The following DNAH9 variants were observed in gnomAD, a reference collection of about 807,000 sequenced individuals.
DNAH9 encodes the protein DNAH9 variant protein.
In DNAH9, 345 loss-of-function variants were observed where a neutral mutation model predicts 471.6. The ratio of observed to expected loss-of-function variants is 0.73; its 90% CI spans 0.67 to 0.80. The LOEUF (loss-of-function observed/expected upper bound fraction) is 0.80. DNAH9 is among the 30% of genes least tolerant of loss of function. The pLI, the probability that DNAH9 is intolerant of heterozygous loss-of-function variation, is 0.00. For missense variants in DNAH9, 5,407 were observed against 5,609.2 expected (o/e 0.96, Z 1.15); for synonymous variants, 2,093 against 2,123.6 (o/e 0.99, Z 0.40).
intron 14 of DNAH9, among the ~76,000 whole-genome samples, chr17:11,656,894 T>G (rs181287256): frequency 6.7e-4 from 102 of 152,294 alleles, no homozygotes; most frequent in Non-Finnish European, 1.2e-3. Flanking sequence ...TTATTGAGAT[T>G]TATCCATATT....
At chr17:11,940,083 T>C (rs1191814105) in intron 66 of DNAH9, among the ~76,000 whole-genome samples, 1 of 152,260 alleles carries the variant, frequency 6.6e-6, no homozygotes, top group African/African-American at 2.4e-5. Flanking sequence ...TCTAATATCA[T>C]GTGTATCAGA....
intron 59 of DNAH9, among the ~76,000 whole-genome samples, chr17:11,896,866 G>T (rs142539898): frequency 6.6e-6 from 1 of 152,180 alleles, no homozygotes; most frequent in Non-Finnish European, 1.5e-5. Context: ...CAAGGTGGGC[G>T]GATCACCTGA....
intron 65 of DNAH9, among the ~76,000 whole-genome samples, chr17:11,934,687 C>T (rs548217508): frequency 6.6e-6 from 1 of 152,016 alleles, no homozygotes; most frequent in African/African-American, 2.4e-5. Context: ...CTCCTGACCT[C>T]GTGATCCGCC....
At chr17:11,669,868 A>AT (rs943786492) in intron 17 of DNAH9, 74 bp downstream of exon 17, 31 of 1,310,652 alleles carry the variant, frequency 2.4e-5, no homozygotes, top group Non-Finnish European at 3.1e-5. Context: ...CCTTTTTTAT[A>AT]TTTTTTCCCC....
intron 19 of DNAH9, among the ~76,000 whole-genome samples, chr17:11,687,124 A>T (rs1340235144): frequency 6.6e-6 from 1 of 152,008 alleles, no homozygotes; most frequent in African/African-American, 2.4e-5. Context: ...CTCTATATAT[A>T]TGTAGAGAGA....
chr17:11,655,970 G>C (rs1188788524), intron 14 of DNAH9, among the ~76,000 whole-genome samples: 1 of 151,952 alleles, frequency 6.6e-6, no homozygotes, highest in Non-Finnish European at 1.5e-5. Flanking sequence ...TGACTGATAG[G>C]CATTTGGGCT....
intron 17 of DNAH9, among the ~76,000 whole-genome samples, chr17:11,676,243 G>A (rs1291063667): frequency 1.3e-5 from 2 of 149,008 alleles, no homozygotes; most frequent in East Asian, 3.9e-4. Context: ...TCTCTGCAAA[G>A]CCTATGGTGT....
intron 3 of DNAH9, 47 bp downstream of exon 3, chr17:11,610,601 C>T (rs752020456): frequency 1.3e-6 from 2 of 1,587,322 alleles, no homozygotes; most frequent in South Asian, 1.1e-5. Context: ...AGATGTCTTA[C>T]AGAGACTAAA....
intron 49 of DNAH9, among the ~76,000 whole-genome samples, chr17:11,847,494 A>C (rs980282248): frequency 1.3e-5 from 2 of 152,106 alleles, no homozygotes; most frequent in Non-Finnish European, 2.9e-5. Context: ...TGTTTTTGTC[A>C]GGTTTGTTGA....
In DNAH9 at chr17:11,704,398, G is replaced by A. The variant is rs753824790; in HGVS notation, c.5347G>A (p.Asp1783Asn). 49 of 1,613,740 alleles carry A rather than the reference G, an allele frequency of 3.0e-5. No homozygotes were observed. The highest frequency in any genetic ancestry group is 3.9e-5 in the Non-Finnish European group (46 of 1,179,890). Reference sequence around the variant, plus strand: ...GAAGATTATGACTATATGCACCATCGATGTGCATGCCCGGGATGTGGTAGC... The same window carrying A: ...GAAGATTATGACTATATGCACCATCAATGTGCATGCCCGGGATGTGGTAGC... Reference protein sequence around the residue: ...RQKIMTICTIDVHARDVVAKM... With the variant: ...RQKIMTICTINVHARDVVAKM... The change falls in exon 25 of 69, where the codon GAT becomes AAT. Residue 1783 changes from aspartate to asparagine, a missense_variant. By Grantham distance (23) the Asp-to-Asn change is conservative. This residue lies in a region of DNAH9 where 4,636 missense variants were observed against 4,900.3 expected (regional missense o/e 0.95). Transcript: ENST00000262442.
chr17:11,862,215 T>A (rs1347297758), intron 50 of DNAH9, among the ~76,000 whole-genome samples: 1 of 131,120 alleles, frequency 7.6e-6, no homozygotes, highest in Non-Finnish European at 1.7e-5. Flanking sequence ...AAGGAAGGGA[T>A]CCAGTTTCAG....
intron 10 of DNAH9, 100 bp from the exon 11 acceptor site, chr17:11,644,531 G>C: frequency 1.2e-6 from 1 of 832,900 alleles, no homozygotes; most frequent in Non-Finnish European, 1.9e-6. Context: ...ACGAGCCAAG[G>C]AGCTATTCAC....
At chr17:11,911,061 G>T (rs12453566) in intron 61 of DNAH9, among the ~76,000 whole-genome samples, 27,234 of 151,960 alleles carry the variant, frequency 0.18, 2,683 homozygotes, top group African/African-American at 0.26. Context: ...ATTTATCTAT[G>T]TTTTCCTTTG....
At chr17:11,601,393 G>A (rs530027953) in intron 1 of DNAH9, among the ~76,000 whole-genome samples, 34 of 152,112 alleles carry the variant, frequency 2.2e-4, no homozygotes, top group African/African-American at 8.2e-4. Flanking sequence ...AGGAAGAGAG[G>A]ACATTCTTTA....
intron 41 of DNAH9, among the ~76,000 whole-genome samples, chr17:11,785,260 A>G (rs1968821731): frequency 6.6e-6 from 1 of 152,072 alleles, no homozygotes; most frequent in African/African-American, 2.4e-5. Flanking sequence ...AAGAATCTGC[A>G]GAAACTCATT....
At chr17:11,902,691 G>T in intron 59 of DNAH9, 28 bp from the exon 60 acceptor site, 1 of 1,595,996 alleles carries the variant, frequency 6.3e-7, no homozygotes, top group African/African-American at 1.3e-5. Flanking sequence ...TGGAGAAACT[G>T]CATTTCAGAT....
intron 28 of DNAH9, among the ~76,000 whole-genome samples, chr17:11,736,258 A>G (rs989426165): frequency 3.9e-5 from 6 of 152,206 alleles, no homozygotes; most frequent in South Asian, 2.1e-4. Context: ...TCCCTCGTAC[A>G]TATTAAGTGC....
intron 22 of DNAH9, among the ~76,000 whole-genome samples, chr17:11,695,014 G>A (rs574734372): frequency 1.0e-4 from 15 of 150,140 alleles, no homozygotes; most frequent in East Asian, 3.9e-4. Context: ...TCAGCCTCCC[G>A]CGTAGCTGGG....
At chr17:11,731,148 G>A (rs76527845) in intron 28 of DNAH9, among the ~76,000 whole-genome samples, 2,110 of 147,156 alleles carry the variant, frequency 0.014, 47 homozygotes, top group African/African-American at 0.05. Context: ...TGACAGTGAT[G>A]ATGATGGCAG....
Sources: allele counts gnomAD v4.1 joint callset (sites outside exome capture counted in the v4.1 genomes callset), GRCh38; gene constraint gnomAD v4.1.1; regional missense constraint gnomAD v4.1.1; transcripts MANE v1.5; gene names NCBI Gene and HGNC (gene_info 2026-07-23, HGNC 2026-07-21).